MMS19: variants seen among roughly 807,000 people sequenced by gnomAD.
MMS19 encodes the protein MMS19 nucleotide excision repair protein homolog.
A neutral mutation model predicts 129.8 loss-of-function variants in MMS19; 77 were observed. The observed-to-expected ratio is 0.59, with a 90% CI of 0.49 to 0.72. The LOEUF (loss-of-function observed/expected upper bound fraction) is 0.72, where lower values mean the gene tolerates loss of function less well. Ranked by LOEUF, MMS19 falls within the 30% of genes least tolerant of loss-of-function variation. The probability of loss-of-function intolerance (pLI) is 0.00; values close to 1 mark genes in which losing one functional copy is unlikely to be tolerated. For missense variants in MMS19, 1,168 were observed against 1,266.3 expected (o/e 0.92, Z 1.18); for synonymous variants, 491 against 502.8 (o/e 0.98, Z 0.31).
At position 97,477,836 on chromosome 10, in the gene MMS19, C is replaced by A. The variant is rs762051713; in HGVS notation, c.423+19G>T. The A allele has an allele frequency of 6.4e-7, 1 of 1,571,046 alleles. No homozygotes were observed. The highest frequency in any genetic ancestry group is 8.6e-7 in the Non-Finnish European group (1 of 1,157,874). The stretch of plus-strand genomic sequence containing the variant: ...GGGTAGAGACAGAGGAGAATACCAA[C>A]ATGACTGTTATCCCTCACCTGTACA... On this transcript the variant is annotated intron_variant, in intron 5 of 30. Coordinates refer to ENST00000438925, the MANE Select transcript of MMS19 (RefSeq NM_022362.5).
chr10:97,496,106 A>T (rs949363313), intron 1 of MMS19, among the ~76,000 whole-genome samples: 2 of 152,250 alleles, frequency 1.3e-5, no homozygotes, highest in African/African-American at 4.8e-5. Context: ...TAGGAGGGCT[A>T]AATTACAACA....
At chr10:97,461,686 T>A in intron 22 of MMS19, 64 bp from the exon 23 acceptor site, 1 of 1,570,820 alleles carries the variant, frequency 6.4e-7, no homozygotes, top group South Asian at 1.2e-5. Flanking sequence ...AACCAGTACA[T>A]AGTGGCAGCA....
chr10:97,473,449 G>C (rs1372096087), intron 8 of MMS19, among the ~76,000 whole-genome samples: 2 of 151,554 alleles, frequency 1.3e-5, no homozygotes, highest in Non-Finnish European at 2.9e-5. Context: ...CATTCTCTCA[G>C]GAAAATACTA....
chr10:97,490,984 T>C (rs2038770801), intron 1 of MMS19, among the ~76,000 whole-genome samples: 1 of 152,110 alleles, frequency 6.6e-6, no homozygotes, highest in South Asian at 2.1e-4. Flanking sequence ...TATACCCAAT[T>C]CCTTAATGGC....
intron 1 of MMS19, among the ~76,000 whole-genome samples, chr10:97,486,891 A>ATATATATATATATG (rs1554852518): frequency 5.3e-5 from 7 of 132,340 alleles, no homozygotes; most frequent in Admixed American, 4.0e-4. Context: ...ATATATATAT[A>ATATATATATATATG]TATAAAATTA....
intron 1 of MMS19, among the ~76,000 whole-genome samples, chr10:97,492,022 T>C (rs1228580556): frequency 2.0e-5 from 3 of 149,854 alleles, no homozygotes; most frequent in East Asian, 4.0e-4. Context: ...CCTGTAATCC[T>C]AGCTACTCCG....
chr10:97,478,930 C>A (rs2036249235), intron 3 of MMS19, among the ~76,000 whole-genome samples: 1 of 151,758 alleles, frequency 6.6e-6, no homozygotes, highest in Non-Finnish European at 1.5e-5. Context: ...ACACATATAC[C>A]CCCAAACAGG....
At chr10:97,493,342 T>C (rs1330946080) in intron 1 of MMS19, among the ~76,000 whole-genome samples, 3 of 152,154 alleles carry the variant, frequency 2.0e-5, no homozygotes, top group African/African-American at 7.2e-5. Flanking sequence ...CACAGTAGGC[T>C]GAGGCTAGAG....
intron 3 of MMS19, chr10:97,480,153 G>A (rs1003003210): frequency 1.6e-5 from 6 of 374,304 alleles, no homozygotes; most frequent in East Asian, 7.7e-5. Flanking sequence ...CTTTTTTGCC[G>A]GCTATGTGAA....
rs978602872 is a variant in MMS19 at position 97,460,448 on chromosome 10, G to A, written c.2470-216C>T. Reference sequence around the variant, plus strand: ...TAGTTGGGTGTGGTGGGGTGCCCCTGTAGTCCCAGCTACTTGCGAGGCTGA... The same window carrying A: ...TAGTTGGGTGTGGTGGGGTGCCCCTATAGTCCCAGCTACTTGCGAGGCTGA... On this transcript the variant is annotated intron_variant, in intron 25 of 30. Transcript: ENST00000438925. 14 of 619,226 alleles carry A rather than the reference G, an allele frequency of 2.3e-5. No homozygotes were observed. In the Admixed American group the frequency reaches 2.4e-4, roughly 10 times the overall value. 38.4% of individuals were successfully genotyped at this position (619,226 alleles called of 1,614,324 possible).
intron 18 of MMS19, 66 bp from the exon 19 acceptor site, chr10:97,464,079 CAG>C: frequency 6.9e-7 from 1 of 1,448,806 alleles, no homozygotes; most frequent in East Asian, 2.4e-5. Flanking sequence ...TCCAATTACA[CAG>C]CAGATGAGAG....
chr10:97,471,367 C>A (rs2034653034), intron 8 of MMS19, among the ~76,000 whole-genome samples: 1 of 151,824 alleles, frequency 6.6e-6, no homozygotes, highest in Non-Finnish European at 1.5e-5. Context: ...ATTTTTTTCA[C>A]CCTTATAAAA....
At chr10:97,466,656 T>C (rs1442547529) in intron 15 of MMS19, 71 bp from the exon 16 acceptor site, 1 of 1,584,812 alleles carries the variant, frequency 6.3e-7, no homozygotes. Context: ...TAAGCTCTTA[T>C]TAGAAATCCC....
rs897988414 is a variant in MMS19 at position 97,496,181 on chromosome 10, T to G, written c.112+2092A>C. On this transcript the variant is annotated intron_variant, in intron 1 of 30. Transcript: ENST00000438925. Reference sequence around the variant, plus strand: ...AAATTAAGCAACAGTTTAGACCATTTTTTTTCAGAAAGAAACAAAAATATA... The same window carrying G: ...AAATTAAGCAACAGTTTAGACCATTGTTTTTCAGAAAGAAACAAAAATATA... Among the ~76,000 whole-genome samples the G allele has an allele frequency of 3.9e-5, 6 of 152,222 alleles. No homozygotes were observed. In the East Asian group the frequency reaches 5.8e-4, roughly 15 times the overall value.
chr10:97,463,411 G>C (rs956741653), intron 19 of MMS19, among the ~76,000 whole-genome samples: 1 of 152,146 alleles, frequency 6.6e-6, no homozygotes, highest in African/African-American at 2.4e-5. Context: ...CTCCCATCTT[G>C]GCCTCCTGAA....
chr10:97,487,495 A>AT (rs1199527404), intron 1 of MMS19, among the ~76,000 whole-genome samples: 1 of 151,644 alleles, frequency 6.6e-6, no homozygotes, highest in Non-Finnish European at 1.5e-5. Context: ...ATTTTTTTGT[A>AT]TTTTTAGTAG....
chr10:97,495,905 C>T (rs2039695925), intron 1 of MMS19, among the ~76,000 whole-genome samples: 1 of 152,256 alleles, frequency 6.6e-6, no homozygotes, highest in African/African-American at 2.4e-5. Flanking sequence ...CCTCAGCCTC[C>T]TGAGTAGCTG....
At chr10:97,462,787 C>T in intron 19 of MMS19, 105 bp from the exon 20 acceptor site, 1 of 834,432 alleles carries the variant, frequency 1.2e-6, no homozygotes, top group Non-Finnish European at 2.0e-6. Context: ...TGACTCTAGC[C>T]ACGACAGCAG....
intron 19 of MMS19, 31 bp downstream of exon 19, chr10:97,463,827 C>A: frequency 6.3e-7 from 1 of 1,597,266 alleles, no homozygotes; most frequent in South Asian, 1.1e-5. Flanking sequence ...GCAAAGTTCC[C>A]AAAGGCCAGG....
Sources: allele counts gnomAD v4.1 joint callset (sites outside exome capture counted in the v4.1 genomes callset), GRCh38; gene constraint gnomAD v4.1.1; transcripts MANE v1.5; gene names NCBI Gene and HGNC (gene_info 2026-07-23, HGNC 2026-07-21).